The following ARK2N variants were observed in gnomAD, a reference collection of about 807,000 sequenced individuals.
ARK2N encodes arkadia (RNF111) N-terminal like PKA signaling regulator 2N.
chr18:46,226,013 G>A, the ARK2N span, among the ~76,000 whole-genome samples: 1 of 152,048 alleles, frequency 6.6e-6, no homozygotes, highest in Non-Finnish European at 1.5e-5. Context: ...GAATCTCTTA[G>A]CACTTACTCT....
the ARK2N span, among the ~76,000 whole-genome samples, chr18:46,192,554 C>T: frequency 1.3e-5 from 2 of 151,100 alleles, no homozygotes; most frequent in Non-Finnish European, 2.9e-5. Context: ...TCCAGCCTGG[C>T]GACAGAGCAA....
At chr18:46,262,892 G>T in the ARK2N span, 1 of 1,595,240 alleles carries the variant, frequency 6.3e-7, no homozygotes, top group East Asian at 2.2e-5. Flanking sequence ...TCCTGTGGTG[G>T]AATTAACCAT....
At chr18:46,254,824 T>G in the ARK2N span, among the ~76,000 whole-genome samples, 1 of 152,266 alleles carries the variant, frequency 6.6e-6, no homozygotes, top group East Asian at 1.9e-4. Flanking sequence ...TAATAATTGG[T>G]TCCAACCCTT....
the ARK2N span, among the ~76,000 whole-genome samples, chr18:46,233,833 A>G: frequency 6.6e-6 from 1 of 152,206 alleles, no homozygotes; most frequent in African/African-American, 2.4e-5. Flanking sequence ...TACAAAATAC[A>G]TTCATTTGGT....
chr18:46,178,248 C>G, the ARK2N span, among the ~76,000 whole-genome samples: 2 of 152,188 alleles, frequency 1.3e-5, no homozygotes, highest in South Asian at 4.1e-4. Context: ...TGGGAATTTT[C>G]TTCTTTTTGG....
the ARK2N span, among the ~76,000 whole-genome samples, chr18:46,252,196 A>AG: frequency 6.6e-6 from 1 of 152,002 alleles, no homozygotes; most frequent in Non-Finnish European, 1.5e-5. Context: ...CCATCTCAAA[A>AG]AAAAAAAAGG....
chr18:46,247,515 G>T, the ARK2N span, among the ~76,000 whole-genome samples: 3 of 152,192 alleles, frequency 2.0e-5, no homozygotes, highest in African/African-American at 4.8e-5. Flanking sequence ...AGGAGGAAGA[G>T]TTTGGTTATA....
At chr18:46,191,436 C>A in the ARK2N span, among the ~76,000 whole-genome samples, 1 of 151,906 alleles carries the variant, frequency 6.6e-6, no homozygotes, top group African/African-American at 2.4e-5. Flanking sequence ...CATGCCTCAA[C>A]CTCCCAAGGT....
At chr18:46,248,222 T>C in the ARK2N span, among the ~76,000 whole-genome samples, 1 of 152,094 alleles carries the variant, frequency 6.6e-6, no homozygotes, top group Admixed American at 6.5e-5. Context: ...CATCCCAGCA[T>C]TGGGGGTTAA....
chr18:46,209,874 G>A, the ARK2N span, among the ~76,000 whole-genome samples: 4 of 152,122 alleles, frequency 2.6e-5, no homozygotes, highest in African/African-American at 7.2e-5. Context: ...GATTACAGGC[G>A]TGAGCCACCG....
the ARK2N span, among the ~76,000 whole-genome samples, chr18:46,208,237 T>G: frequency 8.0e-3 from 1,212 of 152,290 alleles, 23 homozygotes; most frequent in African/African-American, 0.027. Context: ...CAGTACTACC[T>G]CATTCATCCT....
chr18:46,236,713 G>A, the ARK2N span, among the ~76,000 whole-genome samples: 1 of 152,164 alleles, frequency 6.6e-6, no homozygotes, highest in South Asian at 2.1e-4. Flanking sequence ...CAGTCTCTTT[G>A]TAGCAATGCA....
the ARK2N span, chr18:46,215,696 A>G: frequency 3.9e-6 from 2 of 506,870 alleles, no homozygotes; most frequent in Non-Finnish European, 7.0e-6. Flanking sequence ...ATATATATAT[A>G]TTTTAAAGGC....
chr18:46,216,686 C>G, the ARK2N span: 1 of 1,132,974 alleles, frequency 8.8e-7, no homozygotes, highest in African/African-American at 1.6e-5. This position sits in a 1 kb window ranked among gnomAD's most constrained non-coding sequence, Gnocchi z 4.3. Context: ...TGAAAAAATC[C>G]AGGAGACCTG....
At chr18:46,259,983 A>C in the ARK2N span, among the ~76,000 whole-genome samples, 1 of 142,116 alleles carries the variant, frequency 7.0e-6, no homozygotes, top group Non-Finnish European at 1.6e-5. Flanking sequence ...ACCCTCCCAG[A>C]GTGCTGGGAT....
chr18:46,249,726 C>T, the ARK2N span, among the ~76,000 whole-genome samples: 5 of 152,320 alleles, frequency 3.3e-5, no homozygotes, highest in African/African-American at 1.2e-4. Context: ...TACATACAAA[C>T]ACCCTTCCCT....
the ARK2N span, among the ~76,000 whole-genome samples, chr18:46,260,644 C>T: frequency 6.6e-6 from 1 of 152,314 alleles, no homozygotes; most frequent in East Asian, 1.9e-4. Context: ...GTCTCTAAAC[C>T]TCTCACTCTC....
the ARK2N span, among the ~76,000 whole-genome samples, chr18:46,179,230 A>G: frequency 6.6e-6 from 1 of 152,166 alleles, no homozygotes; most frequent in Non-Finnish European, 1.5e-5. Context: ...GAGGTGAGCC[A>G]CTGAGCCCAG....
At chr18:46,186,807 C>T in the ARK2N span, among the ~76,000 whole-genome samples, 5 of 150,868 alleles carry the variant, frequency 3.3e-5, no homozygotes, top group African/African-American at 1.2e-4. Context: ...CGTGCCCGGC[C>T]GAATTTTGTT....
Sources: allele counts gnomAD v4.1 joint callset (sites outside exome capture counted in the v4.1 genomes callset), GRCh38; gene constraint gnomAD v4.1.1; non-coding constraint Gnocchi (gnomAD v3.1); transcripts MANE v1.5; gene names NCBI Gene and HGNC (gene_info 2026-07-23, HGNC 2026-07-21).